Variants in OR4F15 observed in about 807,000 individuals in gnomAD.
OR4F15 encodes the protein olfactory receptor 4F15.
A neutral mutation model predicts 11.9 loss-of-function variants in OR4F15; 7 were observed. That is an observed-to-expected ratio of 0.59 (90% CI 0.33 to 1.10). OR4F15 has a LOEUF of 1.10. Among genes scored for constraint, OR4F15 ranks in the 50% least tolerant of loss-of-function variants. The pLI, the probability that OR4F15 is intolerant of heterozygous loss-of-function variation, is 0.03. For synonymous variants in OR4F15, 151 were observed against 134.6 expected (o/e 1.12, Z -0.84); for missense variants, 445 against 377.5 (o/e 1.18, Z -1.48).
At chr15:101,816,558 T>G (rs1902992400) in intron 1 of OR4F15, among the ~76,000 whole-genome samples, 1 of 152,108 alleles carries the variant, frequency 6.6e-6, no homozygotes, top group African/African-American at 2.4e-5. Context: ...AATAGTAAAC[T>G]AATGTAACAA....
intron 1 of OR4F15, among the ~76,000 whole-genome samples, chr15:101,815,154 TCTTA>T (rs1376073208): frequency 3.3e-5 from 5 of 152,192 alleles, no homozygotes; most frequent in Non-Finnish European, 7.4e-5. Flanking sequence ...TTTGCACAAC[TCTTA>T]CTTAAAATTG....
Position 101,813,097 on chromosome 15 carries a change from C to T in OR4F15, c.-38+825C>T, listed in dbSNP as rs149465272. On this transcript the variant is annotated intron_variant, in intron 1 of 1. Coordinates refer to ENST00000332238, the MANE Select transcript of OR4F15 (RefSeq NM_001001674.2). ...TCAAGGATATTAAGCACTTATCTGACAGAGTACCTGACAACTTCTTTATAT... is the reference window on the plus strand; with the variant it reads ...TCAAGGATATTAAGCACTTATCTGATAGAGTACCTGACAACTTCTTTATAT... Among the ~76,000 whole-genome samples the T allele has an allele frequency of 2.6e-5, 4 of 152,260 alleles. No individual in the cohort carries two copies. In the East Asian group the frequency reaches 5.8e-4, roughly 22 times the overall value.
chr15:101,813,888 A>G (rs1482120694), intron 1 of OR4F15, among the ~76,000 whole-genome samples: 4 of 152,316 alleles, frequency 2.6e-5, no homozygotes, highest in Admixed American at 2.6e-4. Context: ...GTAATTATTG[A>G]GAGCAATAGC....
intron 1 of OR4F15, among the ~76,000 whole-genome samples, chr15:101,815,779 C>T (rs1291650001): frequency 3.3e-5 from 5 of 152,076 alleles, no homozygotes; most frequent in South Asian, 2.1e-4. Context: ...AAAAATCATT[C>T]GGAGAACCAC....
At chr15:101,817,121 G>A (rs879354274) in intron 1 of OR4F15, among the ~76,000 whole-genome samples, 2 of 151,978 alleles carry the variant, frequency 1.3e-5, no homozygotes, top group East Asian at 3.8e-4. Context: ...AAATGAAGTG[G>A]TTTCTTCCAT....
chr15:101,818,554 A>G lies in OR4F15; in HGVS notation c.368A>G (p.Tyr123Cys). The change falls in exon 2 of 2, where the codon TAC becomes TGC. Residue 123 changes from tyrosine (Y) to cysteine (C), a missense_variant. By Grantham distance (194) the Tyr-to-Cys change is radical. Coordinates refer to ENST00000332238, the MANE Select transcript of OR4F15 (RefSeq NM_001001674.2). ...CTCATAGCCATGGCCTTTGACAGAT[A>G]CATGGCCATATGTAAACCTCTCCAC... ...VLLIAMAFDRYMAICKPLHYL... is the reference protein window; with the variant it reads ...VLLIAMAFDRCMAICKPLHYL... The G allele has an allele frequency of 6.2e-7, 1 of 1,614,020 alleles. No homozygotes were observed. Among genetic ancestry groups the G allele is most frequent in the Non-Finnish European group, 8.5e-7 (1 of 1,179,870 alleles).
At chr15:101,813,030 T>C (rs1902931348) in intron 1 of OR4F15, among the ~76,000 whole-genome samples, 1 of 152,132 alleles carries the variant, frequency 6.6e-6, no homozygotes. Context: ...TGAATAAAAC[T>C]AGAGGGTACA....
intron 1 of OR4F15, among the ~76,000 whole-genome samples, chr15:101,815,094 G>T (rs1190648816): frequency 6.6e-6 from 1 of 152,094 alleles, no homozygotes; most frequent in Non-Finnish European, 1.5e-5. Flanking sequence ...ACAAGTGTTT[G>T]TCAGTTTATA....
In OR4F15 at chr15:101,819,389, T is replaced by C. The variant is rs2063695; in HGVS notation, c.*264T>C. The C allele has an allele frequency of 0.32, 123,007 of 382,126 alleles. 21,185 individuals are homozygous for C. The highest frequency in any genetic ancestry group is 0.4 in the African/African-American group (19,672 of 48,812). The allele number at this position is 382,126 out of a possible 1,614,324, so 23.7% of individuals were successfully genotyped here. ...CTTGTTCTAGGTGAGTGCCATGTAA[T>C]TGAACAAATAACAATACTATGTCTT... On this transcript the variant is annotated 3_prime_UTR_variant, in exon 2 of 2. Transcript: ENST00000332238.
At chr15:101,814,434 T>C (rs1003982675) in intron 1 of OR4F15, among the ~76,000 whole-genome samples, 2 of 152,218 alleles carry the variant, frequency 1.3e-5, no homozygotes, top group African/African-American at 4.8e-5. Flanking sequence ...CAATGCTCAA[T>C]GGAGTATCCT....
chr15:101,818,649 C>G lies in OR4F15; in HGVS notation c.463C>G (p.His155Asp). The stretch of plus-strand genomic sequence containing the variant: ...CACTTCCTCTATCATTGGCCTTATC[C>G]ACTCATTGGTCCAATTAGTTTTTGT... ...LATSSIIGLI[H>D]SLVQLVFVVD... Residue 155 changes from histidine to aspartate, a missense_variant, in exon 2 of 2, where the codon CAC becomes GAC. His to Asp is a moderately conservative substitution (Grantham distance 81). Coordinates refer to ENST00000332238, the MANE Select transcript of OR4F15 (RefSeq NM_001001674.2). 6.2e-7 allele frequency: 1 copy of G among 1,613,938 alleles called. No individual in the cohort carries two copies. Among genetic ancestry groups the G allele is most frequent in the South Asian group, 1.1e-5 (1 of 91,066 alleles).
chr15:101,814,910 T>A (rs927161612), intron 1 of OR4F15, among the ~76,000 whole-genome samples: 1 of 152,202 alleles, frequency 6.6e-6, no homozygotes, highest in African/African-American at 2.4e-5. Flanking sequence ...TTCTGAGTTG[T>A]CAGTTTTTGC....
chr15:101,818,018 G>C, intron 1 of OR4F15, 132 bp from the exon 2 acceptor site: 1 of 589,716 alleles, frequency 1.7e-6, no homozygotes, highest in Non-Finnish European at 3.0e-6. Context: ...TGGAAGTCCA[G>C]GGTGCATGTG....
intron 1 of OR4F15, among the ~76,000 whole-genome samples, chr15:101,813,365 C>T (rs2141619490): frequency 6.6e-6 from 1 of 151,914 alleles, no homozygotes; most frequent in South Asian, 2.1e-4. Context: ...AAAAATTAGC[C>T]AGATGTGGTG....
At chr15:101,813,271 G>A (rs1166905731) in intron 1 of OR4F15, among the ~76,000 whole-genome samples, 1 of 152,194 alleles carries the variant, frequency 6.6e-6, no homozygotes, top group Non-Finnish European at 1.5e-5. Context: ...CACTTTGGGA[G>A]GCCGAGGTGG....
Position 101,820,124 on chromosome 15 carries a change from A to G in OR4F15, c.*999A>G, listed in dbSNP as rs948077935. The G allele has an allele frequency of 1.3e-5, 2 of 152,202 alleles. No individual in the cohort carries two copies. The highest frequency in any genetic ancestry group is 4.8e-5 in the African/African-American group (2 of 41,440). 9.4% of individuals were successfully genotyped at this position (152,202 alleles called of 1,614,324 possible). ...AAACCATGACTCTGATTGCTAGGTCAGTGCCCTTTCACTTTCAGATCAATT... is the reference window on the plus strand; with the variant it reads ...AAACCATGACTCTGATTGCTAGGTCGGTGCCCTTTCACTTTCAGATCAATT... On this transcript the variant is annotated 3_prime_UTR_variant, in exon 2 of 2. Coordinates refer to ENST00000332238, the MANE Select transcript of OR4F15 (RefSeq NM_001001674.2).
chr15:101,818,748 G>A lies in OR4F15; in HGVS notation c.562G>A (p.Ala188Thr), dbSNP rs1903048418. 1 of 1,614,076 alleles carries A rather than the reference G, an allele frequency of 6.2e-7. No individual in the cohort carries two copies. The highest frequency in any genetic ancestry group is 1.3e-5 in the African/African-American group (1 of 75,030). Reference protein sequence around the residue: ...YCDLPRLLRLACTNTQELEFM... With the variant: ...YCDLPRLLRLTCTNTQELEFM... ...TGATCTCCCTCGGCTCCTCAGACTT[G>A]CCTGTACCAACACCCAAGAACTGGA... Residue 188 changes from alanine (A) to threonine (T), a missense_variant, in exon 2 of 2, where the codon GCC becomes ACC. Physicochemically the swap from Ala to Thr is moderately conservative, Grantham distance 58 (BLOSUM62 0). Transcript: ENST00000332238.
intron 1 of OR4F15, among the ~76,000 whole-genome samples, 198 bp downstream of exon 1, chr15:101,812,470 G>A (rs999479349): frequency 2.0e-5 from 3 of 152,200 alleles, no homozygotes; most frequent in Non-Finnish European, 2.9e-5. Flanking sequence ...CTGCACTGTG[G>A]CTTGGTTCAG....
At position 101,817,946 on chromosome 15, in the gene OR4F15, A is replaced by C. The variant is rs373281829; in HGVS notation, c.-37-204A>C. Among the ~76,000 whole-genome samples the C allele has an allele frequency of 2.3e-4, 35 of 152,274 alleles. No individual in the cohort carries two copies. In the East Asian group the frequency reaches 3.5e-3, roughly 15 times the overall value. On this transcript the variant is annotated intron_variant, in intron 1 of 1. Coordinates refer to ENST00000332238, the MANE Select transcript of OR4F15 (RefSeq NM_001001674.2). ...GAGAGCTAGGTCTAAGGATGGAATT[A>C]ATTTAGTAGTAGTAGTTTTGAAAAC...
Sources: gnomAD v4.1 joint callset for allele counts (sites outside exome capture counted in the v4.1 genomes callset) on GRCh38, gnomAD v4.1.1 for gene constraint, MANE v1.5 for transcripts, NCBI Gene and HGNC (gene_info 2026-07-23, HGNC 2026-07-21) for gene names.